APPL2: variants seen among roughly 807,000 people sequenced by gnomAD.
APPL2 encodes the protein adaptor protein, phosphotyrosine interacting with PH domain and leucine zipper 2.
APPL2 carries 84 observed loss-of-function variants against 92.7 expected under a neutral mutation model. The observed-to-expected ratio is 0.91, with a 90% CI of 0.76 to 1.09. The LOEUF (loss-of-function observed/expected upper bound fraction) is 1.09. Among genes scored for constraint, APPL2 ranks in the 50% least tolerant of loss-of-function variants. The pLI, the probability that APPL2 is intolerant of heterozygous loss-of-function variation, is 0.00. For synonymous variants in APPL2, 291 were observed against 291.0 expected, an observed-to-expected ratio of 1.00 and a Z score of 0.00; for missense variants, 736 against 824.5, an observed-to-expected ratio of 0.89 and a Z score of 1.31.
At chr12:105,228,389 TG>T (rs151014445) in intron 2 of APPL2, among the ~76,000 whole-genome samples, 7,112 of 152,234 alleles carry the variant, frequency 0.047, 567 homozygotes, top group African/African-American at 0.16. Flanking sequence ...TTTTCAAATT[TG>T]GGATGCCCAA....
At chr12:105,230,905 AAAAC>A (rs1289035112) in intron 1 of APPL2, among the ~76,000 whole-genome samples, 2 of 152,254 alleles carry the variant, frequency 1.3e-5, no homozygotes, top group Non-Finnish European at 2.9e-5. Flanking sequence ...CAGTGAAAGA[AAAAC>A]AACACAGAAT....
At chr12:105,224,152 C>T (rs367722683) in intron 2 of APPL2, among the ~76,000 whole-genome samples, 12 of 152,184 alleles carry the variant, frequency 7.9e-5, no homozygotes, top group East Asian at 7.7e-4. Flanking sequence ...GAACCCAGGT[C>T]TAAGAAGTCA....
At chr12:105,181,309 C>T (rs1886091168) in intron 17 of APPL2, among the ~76,000 whole-genome samples, 1 of 152,130 alleles carries the variant, frequency 6.6e-6, no homozygotes, top group Non-Finnish European at 1.5e-5. Context: ...AGGGATGAAG[C>T]CAACTTGATC....
chr12:105,233,120 A>G (rs1334609104), intron 1 of APPL2: 9 of 985,382 alleles, frequency 9.1e-6, no homozygotes, highest in Admixed American at 6.1e-5. Context: ...CTGAAGAAGT[A>G]CAAGCTGCAG....
chr12:105,201,875 G>T (rs570216578), intron 9 of APPL2, among the ~76,000 whole-genome samples: 126 of 152,116 alleles, frequency 8.3e-4, no homozygotes, highest in Non-Finnish European at 1.5e-3. Flanking sequence ...CCCACCACTG[G>T]GTTCTGAATC....
chr12:105,178,432 G>A (rs1199897309), intron 17 of APPL2, among the ~76,000 whole-genome samples: 1 of 152,080 alleles, frequency 6.6e-6, no homozygotes, highest in Non-Finnish European at 1.5e-5. Context: ...CTGAGGTGAT[G>A]AAAATGTTGT....
At chr12:105,222,168 C>T (rs570472129) in intron 2 of APPL2, among the ~76,000 whole-genome samples, 12 of 152,266 alleles carry the variant, frequency 7.9e-5, no homozygotes, top group East Asian at 3.9e-4. Context: ...GCGTCTCATG[C>T]GAGGCAGGCC....
chr12:105,186,716 C>A (rs1450481824), intron 17 of APPL2, among the ~76,000 whole-genome samples: 1 of 108,528 alleles, frequency 9.2e-6, no homozygotes, highest in African/African-American at 5.4e-5. Flanking sequence ...TATATCATAT[C>A]ATATATATAT....
At chr12:105,214,831 G>A (rs1051185036) in intron 4 of APPL2, among the ~76,000 whole-genome samples, 9 of 152,160 alleles carry the variant, frequency 5.9e-5, no homozygotes, top group Middle Eastern at 3.2e-3. Context: ...TTTTAGCCCC[G>A]CCCCCATCTT....
chr12:105,189,899 A>G, intron 15 of APPL2, 75 bp from the exon 16 acceptor site: 2 of 1,611,716 alleles, frequency 1.2e-6, no homozygotes, highest in Non-Finnish European at 1.7e-6. Flanking sequence ...ACTGGAAATC[A>G]GAATGGCAAC....
In APPL2 at chr12:105,207,966, C is replaced by G; in HGVS notation, c.474+5G>C. The G allele has an allele frequency of 6.2e-7, 1 of 1,611,264 alleles. No individual in the cohort carries two copies. Among genetic ancestry groups the G allele is most frequent in the Non-Finnish European group, 8.5e-7 (1 of 1,177,404 alleles). Reference sequence around the variant, plus strand: ...AGTGAAAAACAACATGTAAAGTATTCTTACCTTCTCATTCTCCTTTTTCTT... The same window carrying G: ...AGTGAAAAACAACATGTAAAGTATTGTTACCTTCTCATTCTCCTTTTTCTT... On this transcript the variant is annotated splice_donor_5th_base_variant and intron_variant, in intron 7 of 20. Coordinates refer to ENST00000258530, the MANE Select transcript of APPL2 (RefSeq NM_018171.5).
At chr12:105,204,344 G>T (rs893891779) in intron 8 of APPL2, among the ~76,000 whole-genome samples, 1 of 152,300 alleles carries the variant, frequency 6.6e-6, no homozygotes, top group Non-Finnish European at 1.5e-5. Flanking sequence ...TGACCTGGAA[G>T]CCTCCCTTTC....
chr12:105,225,172 A>C (rs748599092), intron 2 of APPL2, among the ~76,000 whole-genome samples: 11 of 152,164 alleles, frequency 7.2e-5, no homozygotes, highest in Non-Finnish European at 1.0e-4. Flanking sequence ...AAAAGCAAAA[A>C]CAAAACCAAA....
Position 105,190,165 on chromosome 12 carries a change from A to G in APPL2, c.1242-10T>C. On this transcript the variant is annotated splice_polypyrimidine_tract_variant and intron_variant, in intron 14 of 20. Transcript: ENST00000258530. The stretch of plus-strand genomic sequence containing the variant: ...ATTTTTCAGGTTCTGGCTGAAGGGG[A>G]AAAAAATCAATTCCCTTAACCTTAC... The G allele has an allele frequency of 1.2e-6, 2 of 1,610,430 alleles. No individual in the cohort carries two copies. The highest frequency in any genetic ancestry group is 1.7e-6 in the Non-Finnish European group (2 of 1,178,728).
intron 14 of APPL2, among the ~76,000 whole-genome samples, chr12:105,194,411 C>CCAGGG (rs1887464848): frequency 6.6e-6 from 1 of 152,198 alleles, no homozygotes; most frequent in Non-Finnish European, 1.5e-5. Flanking sequence ...GTAGAATGGG[C>CCAGGG]CAGGCGCAGT....
chr12:105,199,497 T>C lies in APPL2; in HGVS notation c.739A>G (p.Met247Val). ...QVELEAEAEK[M>V]RVSQQELLSV... ...AGTAATTCTTGCTGGGACACCCGCATCTTTTCCGCCTCGGCTTCCAGTTCT... is the reference window on the plus strand; with the variant it reads ...AGTAATTCTTGCTGGGACACCCGCACCTTTTCCGCCTCGGCTTCCAGTTCT... The change falls in exon 10 of 21, where the codon ATG becomes GTG. Residue 247 changes from methionine to valine, a missense_variant. Physicochemically the swap from Met to Val is conservative, Grantham distance 21. Coordinates refer to ENST00000258530, the MANE Select transcript of APPL2 (RefSeq NM_018171.5). 3.1e-6 allele frequency: 5 copies of C among 1,614,018 alleles called. No homozygotes were observed. Among genetic ancestry groups the C allele is most frequent in the South Asian group, 1.1e-5 (1 of 91,068 alleles).
chr12:105,210,109 C>T (rs547052386), intron 5 of APPL2, among the ~76,000 whole-genome samples: 2 of 152,208 alleles, frequency 1.3e-5, no homozygotes, highest in South Asian at 2.1e-4. Context: ...TACAGGCATG[C>T]GCCACCATGC....
chr12:105,229,455 T>C (rs1156719200), intron 1 of APPL2, among the ~76,000 whole-genome samples: 1 of 152,190 alleles, frequency 6.6e-6, no homozygotes, highest in Non-Finnish European at 1.5e-5. Context: ...AATTTCAGAA[T>C]TGGAGCCAGA....
chr12:105,223,138 A>T (rs1204209886), intron 2 of APPL2, among the ~76,000 whole-genome samples: 1 of 152,132 alleles, frequency 6.6e-6, no homozygotes, highest in Non-Finnish European at 1.5e-5. Flanking sequence ...GAAGATGAGG[A>T]GGTGACGGGA....
Sources: allele counts gnomAD v4.1 joint callset (sites outside exome capture counted in the v4.1 genomes callset), GRCh38; gene constraint gnomAD v4.1.1; transcripts MANE v1.5; gene names NCBI Gene and HGNC (gene_info 2026-07-23, HGNC 2026-07-21).